CFAP206: variants seen among roughly 807,000 people sequenced by gnomAD.
CFAP206 encodes cilia and flagella associated protein 206, also known as cilia- and flagella-associated protein 206.
Under a neutral mutation model 65.4 loss-of-function variants are expected in CFAP206, and 53 were observed. The observed-to-expected ratio is 0.81, with a 90% CI of 0.65 to 1.02. The LOEUF is 1.02. CFAP206 is among the 50% of genes least tolerant of loss of function. CFAP206 has a pLI of 0.00. For missense variants in CFAP206, 663 were observed against 753.2 expected (o/e 0.88, Z 1.40); for synonymous variants, 250 against 254.4 (o/e 0.98, Z 0.17).
At chr6:87,414,751 T>C (rs1440999314) in intron 4 of CFAP206, among the ~76,000 whole-genome samples, 4 of 152,224 alleles carry the variant, frequency 2.6e-5, no homozygotes, top group Non-Finnish European at 2.9e-5. Context: ...TATAGTACAA[T>C]CATTATTAAC....
chr6:87,450,475 ATGTG>A (rs55870560), intron 11 of CFAP206, among the ~76,000 whole-genome samples: 15,612 of 130,214 alleles, frequency 0.12, 938 homozygotes, highest in Admixed American at 0.13. Context: ...ATAAATGAAA[ATGTG>A]TGTGTGTGTG....
chr6:87,437,376 G>T (rs990095975), intron 11 of CFAP206, among the ~76,000 whole-genome samples: 1 of 150,370 alleles, frequency 6.7e-6, no homozygotes, highest in Non-Finnish European at 1.5e-5. Flanking sequence ...AACTTTTGCC[G>T]TTTTTTTTTC....
At chr6:87,459,791 G>A (rs574154107) in intron 11 of CFAP206, among the ~76,000 whole-genome samples, 24 of 152,282 alleles carry the variant, frequency 1.6e-4, no homozygotes, top group African/African-American at 4.3e-4. Context: ...AGAATCAGAC[G>A]ACTGGAAAGG....
rs56842848 is a variant in CFAP206 at position 87,457,149 on chromosome 6, C to CAAAAAAA, written c.1495-3862_1495-3856dup. On this transcript the variant is annotated intron_variant, in intron 11 of 12. Transcript: ENST00000369562. ...TGGGCGACAGAGTGAGACAACCTCT[C>CAAAAAAA]AAAAAAAAAAAAAAAAAGAAAAGAA... is the stretch of plus-strand genomic sequence containing the variant. Among the ~76,000 whole-genome samples, 14 of 115,840 alleles carry CAAAAAAA rather than the reference C, an allele frequency of 1.2e-4. 1 individual carries two copies. The highest frequency in any genetic ancestry group is 2.8e-4 in the South Asian group (1 of 3,584). 76.0% of individuals were successfully genotyped at this position (115,840 alleles called of 152,430 possible). A position where few individuals can be genotyped will look rare whatever the true frequency, so the allele number is the denominator to read the frequency against.
At position 87,416,820 on chromosome 6, in the gene CFAP206, T is replaced by G. The variant is rs1398238249; in HGVS notation, c.624T>G (p.Ile208Met). Residue 208 changes from isoleucine to methionine, a missense_variant, in exon 6 of 13, where the codon ATT (isoleucine) becomes ATG (methionine). By Grantham distance (10) the Ile-to-Met change is conservative (BLOSUM62 1). Transcript: ENST00000369562. ...ACTGTGGAAAAGGAGGAGAAGGCAT[T>G]GATGATTGTAGGTATATCATTAGAT... Reference protein sequence around the residue: ...NRDCGKGGEGIDDLPAVLHVA... With the variant: ...NRDCGKGGEGMDDLPAVLHVA... 9.9e-6 allele frequency: 16 copies of G among 1,613,180 alleles called. No homozygotes were observed. The highest frequency in any genetic ancestry group is 1.4e-5 in the Non-Finnish European group (16 of 1,179,466).
At position 87,428,761 on chromosome 6, in the gene CFAP206, A is replaced by G; in HGVS notation, c.1096A>G (p.Met366Val). The G allele has an allele frequency of 6.2e-7, 1 of 1,614,154 alleles. No individual in the cohort carries two copies. Among genetic ancestry groups the G allele is most frequent in the Non-Finnish European group, 8.5e-7 (1 of 1,180,006 alleles). The change falls in exon 9 of 13, where the codon ATG becomes GTG. Residue 366 changes from methionine to valine, a missense_variant. By Grantham distance (21) the Met-to-Val change is conservative. Coordinates refer to ENST00000369562, the MANE Select transcript of CFAP206 (RefSeq NM_001031743.3). ...CGAACTATACTTTCCTGAGAGAGTG[A>G]TGCAATGTCATCTTAATGGAGCGAC... Reference protein sequence around the residue: ...AHELYFPERVMQCHLNGATVK... With the variant: ...AHELYFPERVVQCHLNGATVK...
In CFAP206 at chr6:87,428,976, C is replaced by T. The variant is rs1462949659; in HGVS notation, c.1159+152C>T. 1.2e-5 allele frequency: 10 copies of T among 806,704 alleles called. 1 individual carries two copies. Among genetic ancestry groups the T allele is most frequent in the South Asian group, 3.5e-5 (2 of 56,802 alleles). The allele number at this position is 806,704 out of a possible 1,614,324, so 50.0% of individuals were successfully genotyped here. ...CTAATGAGGGCCGGGTGTGGTGGCT[C>T]ACGCCTGTAATCCCAGCACTTTGGG... On this transcript the variant is annotated intron_variant, in intron 9 of 12. Coordinates refer to ENST00000369562, the MANE Select transcript of CFAP206 (RefSeq NM_001031743.3).
chr6:87,453,902 A>T (rs1768586657), intron 11 of CFAP206, among the ~76,000 whole-genome samples: 1 of 152,204 alleles, frequency 6.6e-6, no homozygotes, highest in African/African-American at 2.4e-5. Flanking sequence ...AATAACACTG[A>T]ATTAAATGGA....
At chr6:87,455,419 A>G (rs1768621190) in intron 11 of CFAP206, among the ~76,000 whole-genome samples, 1 of 152,180 alleles carries the variant, frequency 6.6e-6, no homozygotes, top group African/African-American at 2.4e-5. Flanking sequence ...TCAAATAAAG[A>G]ACCCAAGCAT....
intron 2 of CFAP206, 82 bp downstream of exon 2, chr6:87,410,029 T>C (rs1767705960): frequency 1.1e-6 from 1 of 910,882 alleles, no homozygotes; most frequent in Non-Finnish European, 1.7e-6. Context: ...TTAAATTCTG[T>C]GAGGCTTTCA....
At chr6:87,443,339 T>C (rs1020927865) in intron 11 of CFAP206, among the ~76,000 whole-genome samples, 5 of 152,282 alleles carry the variant, frequency 3.3e-5, no homozygotes, top group Middle Eastern at 3.4e-3. Flanking sequence ...TTGAGTCTTC[T>C]CTCTTTTTAT....
At chr6:87,413,194 T>C (rs1164419316) in intron 3 of CFAP206, among the ~76,000 whole-genome samples, 2 of 152,224 alleles carry the variant, frequency 1.3e-5, no homozygotes. Flanking sequence ...TTAACAAATG[T>C]TATTGGTAGT....
intron 11 of CFAP206, among the ~76,000 whole-genome samples, chr6:87,450,527 A>G (rs1343731343): frequency 1.5e-5 from 2 of 131,968 alleles, no homozygotes; most frequent in Non-Finnish European, 3.3e-5. Context: ...TTTTGGAGCT[A>G]TGATATAGCC....
intron 7 of CFAP206, among the ~76,000 whole-genome samples, chr6:87,425,416 C>A (rs1373887275): frequency 6.6e-6 from 1 of 152,098 alleles, no homozygotes; most frequent in African/African-American, 2.4e-5. Flanking sequence ...TCAAATATAT[C>A]TTTTAGATCT....
chr6:87,443,826 C>T (rs1372082749), intron 11 of CFAP206, among the ~76,000 whole-genome samples: 12 of 152,058 alleles, frequency 7.9e-5, no homozygotes, highest in Non-Finnish European at 1.8e-4. Flanking sequence ...ATCTTGATGT[C>T]CATGAGTACC....
chr6:87,463,867 T>A (rs907514931), intron 12 of CFAP206, among the ~76,000 whole-genome samples, 153 bp from the exon 13 acceptor site: 1 of 152,236 alleles, frequency 6.6e-6, no homozygotes, highest in Non-Finnish European at 1.5e-5. Context: ...TGTTCTAGAT[T>A]TTCCAATGTT....
Position 87,421,440 on chromosome 6 carries a change from C to T in CFAP206, c.840+3024C>T, listed in dbSNP as rs538990782. Reference sequence around the variant, plus strand: ...GACAGAGGTTGCAGTGAGCTGAGATCGTGCCACTGCATTCCAGCCTGGGCG... The same window carrying T: ...GACAGAGGTTGCAGTGAGCTGAGATTGTGCCACTGCATTCCAGCCTGGGCG... On this transcript the variant is annotated intron_variant, in intron 7 of 12. Coordinates refer to ENST00000369562, the MANE Select transcript of CFAP206 (RefSeq NM_001031743.3). Among the ~76,000 whole-genome samples, 9 of 152,102 alleles carry T rather than the reference C, an allele frequency of 5.9e-5. No homozygotes were observed. In the East Asian group the frequency reaches 1.2e-3, roughly 20 times the overall value.
At chr6:87,447,616 C>T in intron 11 of CFAP206, among the ~76,000 whole-genome samples, 1 of 152,112 alleles carries the variant, frequency 6.6e-6, no homozygotes, top group East Asian at 1.9e-4. Flanking sequence ...CAATGTTCAT[C>T]AGGGATATTG....
chr6:87,462,795 T>C (rs1030122285), intron 12 of CFAP206, among the ~76,000 whole-genome samples: 1 of 152,188 alleles, frequency 6.6e-6, no homozygotes, highest in African/African-American at 2.4e-5. Flanking sequence ...CACTTAATTC[T>C]GACTCTCACC....
Sources: allele counts gnomAD v4.1 joint callset (sites outside exome capture counted in the v4.1 genomes callset), GRCh38; gene constraint gnomAD v4.1.1; transcripts MANE v1.5; gene names NCBI Gene and HGNC (gene_info 2026-07-23, HGNC 2026-07-21).